The following PTPRN2 variants were observed in gnomAD, a reference collection of about 807,000 sequenced individuals.
PTPRN2 encodes the protein protein tyrosine phosphatase receptor type N2.
PTPRN2 carries 74 observed loss-of-function variants against 118.8 expected under a neutral mutation model. The observed-to-expected ratio is 0.62, with a 90% confidence interval of 0.52 to 0.76. PTPRN2 has a LOEUF of 0.76. Among genes scored for constraint, PTPRN2 ranks in the 30% least tolerant of loss-of-function variants. The probability of loss-of-function intolerance (pLI) is 0.00; values close to 1 mark genes in which losing one functional copy is unlikely to be tolerated. For synonymous variants in PTPRN2, 641 were observed against 608.0 expected (o/e 1.05, Z -0.80); for missense variants, 1,481 against 1,394.4 (o/e 1.06, Z -0.99).
intron 1 of PTPRN2, among the ~76,000 whole-genome samples, chr7:158,582,796 C>CAAAA (rs1156687117): frequency 5.4e-4 from 24 of 44,298 alleles, no homozygotes; most frequent in East Asian, 1.1e-3. Flanking sequence ...GACTCCATCT[C>CAAAA]AAAAAAAAAA....
intron 3 of PTPRN2, among the ~76,000 whole-genome samples, chr7:158,263,585 C>T (rs1460578307): frequency 1.3e-5 from 2 of 152,252 alleles, no homozygotes; most frequent in African/African-American, 2.4e-5. Context: ...TATTTCCCAT[C>T]GCTCTGCCAC....
At position 158,088,026 on chromosome 7, in the gene PTPRN2, A is replaced by T. The variant is rs367938566; in HGVS notation, c.1644-6649T>A. ...TCCCCTGAGGAAAGGGGGAGTCTTC[A>T]CACAAACCTTCTTCCCCTGATGAAG... On this transcript the variant is annotated intron_variant, in intron 10 of 22. Coordinates refer to ENST00000389418, the MANE Select transcript of PTPRN2 (RefSeq NM_002847.5). 4.7e-3 allele frequency among the ~76,000 whole-genome samples: 356 copies of T among 76,036 alleles called. 2 individuals are homozygous for T. Among genetic ancestry groups the T allele is most frequent in the African/African-American group, 0.011 (325 of 29,114 alleles). The allele number at this position is 76,036 out of a possible 152,430, so 49.9% of individuals were successfully genotyped here.
At chr7:158,341,582 G>T (rs10242706) in intron 2 of PTPRN2, among the ~76,000 whole-genome samples, 3 of 64,514 alleles carry the variant, frequency 4.7e-5, no homozygotes, top group African/African-American at 5.5e-5. Context: ...CTCACCATAA[G>T]AGGTGACACC....
intron 15 of PTPRN2, chr7:157,614,128 G>C: frequency 4.3e-6 from 2 of 470,508 alleles, no homozygotes; most frequent in South Asian, 3.1e-5. Flanking sequence ...GGAGGACGGA[G>C]AGGAGGGGGA....
intron 2 of PTPRN2, among the ~76,000 whole-genome samples, chr7:158,341,585 G>T (rs28593441): frequency 3.6e-4 from 5 of 14,000 alleles, no homozygotes; most frequent in Admixed American, 9.1e-4. Context: ...ACCATAAGAG[G>T]TGACACCCGC....
At chr7:157,557,600 T>C (rs941595677) in intron 21 of PTPRN2, among the ~76,000 whole-genome samples, 1 of 151,608 alleles carries the variant, frequency 6.6e-6, no homozygotes, top group African/African-American at 2.4e-5. Flanking sequence ...TGCTGAGTTT[T>C]TACTTCACAC....
intron 10 of PTPRN2, among the ~76,000 whole-genome samples, chr7:158,082,388 A>C (rs1272071515): frequency 1.3e-5 from 2 of 152,170 alleles, no homozygotes; most frequent in African/African-American, 4.8e-5. Context: ...TTTTTGATTC[A>C]GACATCTCTG....
At chr7:158,352,921 C>A (rs1251939878) in intron 2 of PTPRN2, among the ~76,000 whole-genome samples, 1 of 152,258 alleles carries the variant, frequency 6.6e-6, no homozygotes, top group Non-Finnish European at 1.5e-5. Flanking sequence ...TTTCGCCGCA[C>A]CAGGGCCTGC....
At chr7:157,637,292 C>G (rs1436822117) in intron 14 of PTPRN2, among the ~76,000 whole-genome samples, 1 of 152,170 alleles carries the variant, frequency 6.6e-6, no homozygotes, top group Non-Finnish European at 1.5e-5. Context: ...TGAAATGCAA[C>G]CTTTACGTAA....
rs1037848814 is a variant in PTPRN2, at chr7:157,944,552, A to C, written c.1724-45815T>G. 6.6e-6 allele frequency among the ~76,000 whole-genome samples: 1 copy of C among 152,240 alleles called. No individual in the cohort carries two copies. Among genetic ancestry groups the C allele is most frequent in the African/African-American group, 2.4e-5 (1 of 41,468 alleles). ...CATCCGCACTGCTGCAAATATAATA[A>C]TTGTTTGAAAGCATAACATTTAAAT... On this transcript the variant is annotated intron_variant, in intron 11 of 22. Coordinates refer to ENST00000389418, the MANE Select transcript of PTPRN2 (RefSeq NM_002847.5). The surrounding 1 kb of genome is among the most constrained non-coding windows in gnomAD (Gnocchi z 4.3).
At chr7:157,640,556 G>C (rs1266415635) in intron 14 of PTPRN2, among the ~76,000 whole-genome samples, 2 of 152,118 alleles carry the variant, frequency 1.3e-5, no homozygotes, top group African/African-American at 4.8e-5. Flanking sequence ...AGTAAGTTTG[G>C]AGCAAAAATT....
intron 14 of PTPRN2, among the ~76,000 whole-genome samples, chr7:157,641,966 T>G (rs1171562641): frequency 6.6e-6 from 1 of 152,078 alleles, no homozygotes; most frequent in Non-Finnish European, 1.5e-5. Context: ...TGCCCTCTGC[T>G]TCCTGATGGA....
intron 2 of PTPRN2, among the ~76,000 whole-genome samples, chr7:158,476,717 C>T (rs1460486270): frequency 6.6e-6 from 1 of 152,238 alleles, no homozygotes; most frequent in Non-Finnish European, 1.5e-5. Context: ...TCCTCTAAAA[C>T]GAGGGCGTCC....
chr7:158,106,789 G>A (rs527541192), intron 10 of PTPRN2, among the ~76,000 whole-genome samples: 29 of 152,280 alleles, frequency 1.9e-4, no homozygotes, highest in Non-Finnish European at 3.7e-4. Context: ...TAAAGATGAA[G>A]TAGGCAAACC....
At chr7:157,734,024 A>G (rs1341173166) in intron 12 of PTPRN2, among the ~76,000 whole-genome samples, 1 of 104,484 alleles carries the variant, frequency 9.6e-6, no homozygotes, top group African/African-American at 4.2e-5. Flanking sequence ...TGCGCCCAGC[A>G]CAGTTACCCT....
intron 3 of PTPRN2, among the ~76,000 whole-genome samples, chr7:158,229,606 A>T (rs963314309): frequency 6.6e-6 from 1 of 152,098 alleles, no homozygotes; most frequent in Non-Finnish European, 1.5e-5. Context: ...TGAAAAATTC[A>T]TTATAGCCTC....
chr7:157,960,790 T>C (rs1801473224), intron 11 of PTPRN2, among the ~76,000 whole-genome samples: 1 of 152,216 alleles, frequency 6.6e-6, no homozygotes, highest in African/African-American at 2.4e-5. Context: ...GTGGATCACC[T>C]GAGGTCAGAA....
intron 3 of PTPRN2, among the ~76,000 whole-genome samples, chr7:158,246,186 A>G (rs995279797): frequency 2.6e-5 from 4 of 151,920 alleles, no homozygotes; most frequent in Non-Finnish European, 4.4e-5. Flanking sequence ...CTTTCTCGTA[A>G]GCTTCTCGGC....
chr7:157,564,975 A>T (rs1799410374), intron 21 of PTPRN2, among the ~76,000 whole-genome samples: 1 of 152,260 alleles, frequency 6.6e-6, no homozygotes, highest in Admixed American at 6.5e-5. Flanking sequence ...GTCAGTCATA[A>T]AATGGAAGTT....
Sources: allele counts gnomAD v4.1 joint callset (sites outside exome capture counted in the v4.1 genomes callset), GRCh38; gene constraint gnomAD v4.1.1; non-coding constraint Gnocchi (gnomAD v3.1); transcripts MANE v1.5; gene names NCBI Gene and HGNC (gene_info 2026-07-23, HGNC 2026-07-21).